The following STK32B variants were observed in gnomAD, a reference collection of about 807,000 sequenced individuals.
STK32B encodes the protein serine/threonine-protein kinase 32B.
Under a neutral mutation model 52.6 loss-of-function variants are expected in STK32B, and 43 were observed. The ratio of observed to expected loss-of-function variants is 0.82; its 90% confidence interval spans 0.64 to 1.05. The LOEUF is 1.05. STK32B is among the 50% of genes least tolerant of loss of function. The pLI, the probability that STK32B is intolerant of heterozygous loss-of-function variation, is 0.00. For missense variants in STK32B, 621 were observed against 534.6 expected (o/e 1.16, Z -1.59); for synonymous variants, 238 against 204.3 (o/e 1.17, Z -1.41).
chr4:5,429,281 T>C (rs1713364730), intron 6 of STK32B, among the ~76,000 whole-genome samples: 1 of 152,202 alleles, frequency 6.6e-6, no homozygotes, highest in East Asian at 1.9e-4. Context: ...AGACCACTTA[T>C]ATTTAATATA....
intron 1 of STK32B, among the ~76,000 whole-genome samples, chr4:5,132,256 G>T (rs771983130): frequency 6.6e-6 from 1 of 152,128 alleles, no homozygotes; most frequent in Non-Finnish European, 1.5e-5. Context: ...TGTCTTTATA[G>T]TATGATTTAT....
chr4:5,100,661 ATTCTTTCTTTCTTTCCTTTCTTACT>A (rs1713704729), intron 1 of STK32B, among the ~76,000 whole-genome samples: 5 of 54,738 alleles, frequency 9.1e-5, no homozygotes, highest in Admixed American at 2.4e-4. Context: ...TTTCTCTTTC[ATTCTTTCTTTCTTTCCTTTCTTACT>A]TTCTTTCTTT....
chr4:5,062,807 C>T (rs911383118), intron 1 of STK32B, among the ~76,000 whole-genome samples: 1 of 152,112 alleles, frequency 6.6e-6, no homozygotes, highest in Non-Finnish European at 1.5e-5. Context: ...CATGCCTGGA[C>T]AGTTTTTATT....
intron 2 of STK32B, among the ~76,000 whole-genome samples, chr4:5,155,777 G>C (rs1717779829): frequency 6.6e-6 from 1 of 152,064 alleles, no homozygotes; most frequent in Non-Finnish European, 1.5e-5. Flanking sequence ...ATGATTGTAA[G>C]TTTCCTGAGG....
chr4:5,066,932 A>G (rs1325873274), intron 1 of STK32B, among the ~76,000 whole-genome samples: 2 of 152,200 alleles, frequency 1.3e-5, no homozygotes, highest in African/African-American at 2.4e-5. Flanking sequence ...ATGCTCCTTC[A>G]TAGCATTGAA....
At chr4:5,374,138 C>T (rs1389636865) in intron 4 of STK32B, among the ~76,000 whole-genome samples, 3 of 152,152 alleles carry the variant, frequency 2.0e-5, no homozygotes, top group Non-Finnish European at 4.4e-5. Flanking sequence ...TGCCAGGAAC[C>T]ACCAGAAACT....
At chr4:5,099,459 C>CGCGCACGTGT (rs1054065257) in intron 1 of STK32B, among the ~76,000 whole-genome samples, 1 of 140,350 alleles carries the variant, frequency 7.1e-6, no homozygotes, top group African/African-American at 3.2e-5. Context: ...TGCGCGCGCG[C>CGCGCACGTGT]GTATGTGATG....
intron 6 of STK32B, among the ~76,000 whole-genome samples, chr4:5,444,121 G>T (rs1715100277): frequency 6.6e-6 from 1 of 152,180 alleles, no homozygotes; most frequent in African/African-American, 2.4e-5. Context: ...AGCTGTGGTG[G>T]GCTCCGCCCA....
In STK32B at chr4:5,196,397, G is replaced by A. The variant is rs1468252569; in HGVS notation, c.260+27947G>A. Among the ~76,000 whole-genome samples, 4 of 123,120 alleles carry A rather than the reference G, an allele frequency of 3.2e-5. 1 individual carries two copies. Among genetic ancestry groups the A allele is most frequent in the Admixed American group, 2.1e-4 (2 of 9,508 alleles). 80.8% of individuals were successfully genotyped at this position (123,120 alleles called of 152,430 possible). ...CCCACCTCATAGTTTTGTTCTGAAC[G>A]TATGTAAAACCACTAACAGAAATAT... On this transcript the variant is annotated intron_variant, in intron 3 of 11. Transcript: ENST00000282908.
In STK32B at chr4:5,495,576, C is replaced by T. The variant is rs181949353; in HGVS notation, c.1107-3369C>T. 9.8e-3 allele frequency among the ~76,000 whole-genome samples: 1,490 copies of T among 152,296 alleles called. 23 individuals carry two copies. The highest frequency in any genetic ancestry group is 0.033 in the African/African-American group (1,382 of 41,532). On this transcript the variant is annotated intron_variant, in intron 11 of 11. Coordinates refer to ENST00000282908, the MANE Select transcript of STK32B (RefSeq NM_018401.3). Reference sequence around the variant, plus strand: ...CGTCTGAAGCCTTCTTCTCTCAACTCGTCAAAGTCATTCTCCCTCCAGCTT... The same window carrying T: ...CGTCTGAAGCCTTCTTCTCTCAACTTGTCAAAGTCATTCTCCCTCCAGCTT...
At chr4:5,452,276 C>T (rs538700610) in intron 7 of STK32B, among the ~76,000 whole-genome samples, 8 of 152,186 alleles carry the variant, frequency 5.3e-5, no homozygotes, top group African/African-American at 7.2e-5. Context: ...GAGAGGCCAG[C>T]GAGTGGAGGG....
At chr4:5,345,307 CTCCTT>C (rs1733377970) in intron 4 of STK32B, 1 of 126,088 alleles carries the variant, frequency 7.9e-6, no homozygotes, top group Admixed American at 7.5e-5. Flanking sequence ...AGTTATAATT[CTCCTT>C]TTTTTTTTTT....
chr4:5,202,839 T>A (rs1293240261), intron 3 of STK32B, among the ~76,000 whole-genome samples: 1 of 152,258 alleles, frequency 6.6e-6, no homozygotes, highest in Admixed American at 6.5e-5. Flanking sequence ...TAACTATTGA[T>A]GTGCATCTTG....
chr4:5,219,561 CAGTG>C (rs1291869862), intron 3 of STK32B, among the ~76,000 whole-genome samples: 4 of 152,234 alleles, frequency 2.6e-5, no homozygotes, highest in African/African-American at 9.6e-5. Flanking sequence ...GGTCACACAG[CAGTG>C]AGTGAGTATC....
intron 9 of STK32B, among the ~76,000 whole-genome samples, chr4:5,461,849 G>A (rs1004814697): frequency 8.5e-5 from 13 of 152,180 alleles, no homozygotes; most frequent in African/African-American, 2.2e-4. Flanking sequence ...GAATCTGCCC[G>A]GCTGGAAGGC....
intron 2 of STK32B, among the ~76,000 whole-genome samples, chr4:5,158,900 T>C (rs1718084910): frequency 6.6e-6 from 1 of 152,154 alleles, no homozygotes; most frequent in Non-Finnish European, 1.5e-5. Context: ...CCTGAGGTGC[T>C]AGGGGTTAGG....
At chr4:5,320,725 A>C (rs1036349517) in intron 3 of STK32B, among the ~76,000 whole-genome samples, 10 of 152,324 alleles carry the variant, frequency 6.6e-5, no homozygotes, top group African/African-American at 2.4e-4. Context: ...AAACATCATT[A>C]ACTATATTTA....
At chr4:5,490,588 A>T (rs1294101286) in intron 11 of STK32B, among the ~76,000 whole-genome samples, 2 of 151,868 alleles carry the variant, frequency 1.3e-5, no homozygotes, top group Non-Finnish European at 2.9e-5. Flanking sequence ...TTTTTTTATT[A>T]TTATACTTTA....
At chr4:5,273,737 C>G in intron 3 of STK32B, among the ~76,000 whole-genome samples, 1 of 130,896 alleles carries the variant, frequency 7.6e-6, no homozygotes, top group East Asian at 2.3e-4. Flanking sequence ...TAAACTATCG[C>G]AAGAACAAAA....
Sources: gnomAD v4.1 joint callset for allele counts (sites outside exome capture counted in the v4.1 genomes callset) on GRCh38, gnomAD v4.1.1 for gene constraint, MANE v1.5 for transcripts, NCBI Gene and HGNC (gene_info 2026-07-23, HGNC 2026-07-21) for gene names.